VPS13B: variants seen among roughly 807,000 people sequenced by gnomAD.
The protein encoded by VPS13B is vacuolar protein sorting 13 homolog B, also known as intermembrane lipid transfer protein VPS13B.
Under a neutral mutation model 426.4 loss-of-function variants are expected in VPS13B, and 285 were observed. The ratio of observed to expected loss-of-function variants is 0.67; its 90% CI spans 0.61 to 0.74. The LOEUF is 0.74. Ranked by LOEUF, VPS13B falls within the 30% of genes least tolerant of loss-of-function variation. The probability of loss-of-function intolerance (pLI) is 0.00; values close to 1 mark genes in which losing one functional copy is unlikely to be tolerated. For missense variants in VPS13B, 4,537 were observed against 4,782.6 expected, an observed-to-expected ratio of 0.95 and a Z score of 1.51; for synonymous variants, 1,676 against 1,676.4, an observed-to-expected ratio of 1.00 and a Z score of 0.01.
chr8:99,310,739 T>C (rs963463410), intron 19 of VPS13B, among the ~76,000 whole-genome samples: 2 of 152,212 alleles, frequency 1.3e-5, no homozygotes, highest in African/African-American at 4.8e-5. Context: ...TTTCTATTGA[T>C]TGGAATAGTT....
intron 17 of VPS13B, among the ~76,000 whole-genome samples, chr8:99,207,782 A>G (rs1453624700): frequency 2.0e-5 from 3 of 152,054 alleles, no homozygotes; most frequent in African/African-American, 7.2e-5. Flanking sequence ...GCTCATGTTT[A>G]TGTCTTCTAT....
intron 21 of VPS13B, among the ~76,000 whole-genome samples, chr8:99,424,719 T>C (rs200812220): frequency 1.3e-5 from 2 of 151,966 alleles, no homozygotes; most frequent in African/African-American, 2.4e-5. Context: ...CAGAGCAGAA[T>C]TGAAGGAAAT....
intron 39 of VPS13B, among the ~76,000 whole-genome samples, chr8:99,737,879 A>G (rs1034885221): frequency 5.9e-5 from 9 of 152,238 alleles, no homozygotes; most frequent in African/African-American, 2.2e-4. Context: ...GTTCTCTTGT[A>G]TCATATCTTA....
At chr8:99,859,978 C>T (rs1816754031) in intron 57 of VPS13B, among the ~76,000 whole-genome samples, 2 of 152,116 alleles carry the variant, frequency 1.3e-5, no homozygotes, top group African/African-American at 2.4e-5. Context: ...CCAGACAGGT[C>T]ATCGGGCATG....
intron 19 of VPS13B, among the ~76,000 whole-genome samples, chr8:99,286,526 G>A (rs1415084821): frequency 6.6e-6 from 1 of 152,130 alleles, no homozygotes; most frequent in Non-Finnish European, 1.5e-5. Flanking sequence ...ATGGGGAAAT[G>A]AGATCAATTG....
At chr8:99,357,145 T>C (rs1209265726) in intron 19 of VPS13B, among the ~76,000 whole-genome samples, 7 of 152,214 alleles carry the variant, frequency 4.6e-5, no homozygotes, top group Admixed American at 4.6e-4. Flanking sequence ...TCTGCATCTG[T>C]ATTTTCATGC....
chr8:99,081,711 G>A (rs1845472075), intron 3 of VPS13B, among the ~76,000 whole-genome samples: 1 of 151,530 alleles, frequency 6.6e-6, no homozygotes, highest in Non-Finnish European at 1.5e-5. Flanking sequence ...AACATGCAGT[G>A]TTTGGTTTTT....
chr8:99,583,409 TCTA>T, intron 33 of VPS13B, among the ~76,000 whole-genome samples: 1 of 152,336 alleles, frequency 6.6e-6, no homozygotes, highest in African/African-American at 2.4e-5. Context: ...CTGGCTAATA[TCTA>T]CTTGGATATT....
At chr8:99,551,713 A>G (rs1184049132) in intron 30 of VPS13B, among the ~76,000 whole-genome samples, 1 of 151,884 alleles carries the variant, frequency 6.6e-6, no homozygotes, top group Non-Finnish European at 1.5e-5. Flanking sequence ...AGAACATTTT[A>G]TCTCAAATTA....
At chr8:99,639,618 A>G (rs1031525358) in intron 33 of VPS13B, among the ~76,000 whole-genome samples, 1 of 149,788 alleles carries the variant, frequency 6.7e-6, no homozygotes, top group Non-Finnish European at 1.5e-5. Flanking sequence ...TTATTCTTAC[A>G]TAAGTTGTTA....
At position 99,867,325 on chromosome 8, in the gene VPS13B, C is replaced by T. The variant is rs139554186; in HGVS notation, c.11216-964C>T. Among the ~76,000 whole-genome samples the T allele has an allele frequency of 2.1e-4, 32 of 152,272 alleles. 1 individual carries two copies. Among genetic ancestry groups the T allele is most frequent in the African/African-American group, 7.5e-4 (31 of 41,546 alleles). On this transcript the variant is annotated intron_variant, in intron 58 of 61. Coordinates refer to ENST00000357162, the MANE Select transcript of VPS13B (RefSeq NM_152564.5). ...CTCAAAGCAGGAGTAGCAAAGGGGC[C>T]GTATCCACAGGACTGCCTGAGGGGC...
chr8:99,654,056 T>C (rs1488645485), intron 34 of VPS13B, among the ~76,000 whole-genome samples: 1 of 150,584 alleles, frequency 6.6e-6, no homozygotes, highest in Non-Finnish European at 1.5e-5. Flanking sequence ...TATTATTATA[T>C]ATATTTTTTT....
chr8:99,375,623 CT>C (rs1419143238), intron 19 of VPS13B, among the ~76,000 whole-genome samples: 9 of 152,186 alleles, frequency 5.9e-5, no homozygotes, highest in Non-Finnish European at 1.3e-4. Context: ...TCTGATTCCC[CT>C]CTTGCCTTTA....
intron 16 of VPS13B, among the ~76,000 whole-genome samples, chr8:99,179,764 C>T (rs1322132166): frequency 6.6e-6 from 1 of 152,062 alleles, no homozygotes; most frequent in Non-Finnish European, 1.5e-5. Flanking sequence ...GTGAAAACCT[C>T]GCATCTGTTG....
chr8:99,839,178 G>A (rs6984315), intron 54 of VPS13B, among the ~76,000 whole-genome samples: 25,303 of 152,178 alleles, frequency 0.17, 2,609 homozygotes, highest in East Asian at 0.34. Context: ...CTTCTGAAAA[G>A]ATCCAGTAAA....
At chr8:99,239,917 G>A (rs1189035092) in intron 17 of VPS13B, among the ~76,000 whole-genome samples, 2 of 152,018 alleles carry the variant, frequency 1.3e-5, no homozygotes, top group Admixed American at 1.3e-4. Context: ...TATTTTGGTG[G>A]CTCAGTTAAA....
At chr8:99,170,722 A>G (rs1315169439) in intron 16 of VPS13B, among the ~76,000 whole-genome samples, 1 of 151,820 alleles carries the variant, frequency 6.6e-6, no homozygotes, top group Non-Finnish European at 1.5e-5. Flanking sequence ...TTACAGAAAG[A>G]AAGCCAGTAG....
rs1249346975 is a variant in VPS13B at position 99,870,834 on chromosome 8, G to A, written c.11442G>A (p.Gln3814=). The stretch of plus-strand genomic sequence containing the variant: ...CTCAGCTTCCCAAACAGCGCCATCA[G>A]CCAAGTGATCTACATGCTGACCAGG... ...GLSQLPKQRH[Q]PSDLHADQAP... is the part of the protein sequence containing the mutation. The change falls in exon 60 of 62, where the codon CAG becomes CAA. Residue 3814 remains glutamine, a synonymous_variant. Coordinates refer to ENST00000357162, the MANE Select transcript of VPS13B (RefSeq NM_152564.5). 3.7e-6 allele frequency: 6 copies of A among 1,614,054 alleles called. No individual in the cohort carries two copies. The highest frequency in any genetic ancestry group is 5.1e-6 in the Non-Finnish European group (6 of 1,180,028).
chr8:99,542,948 T>C (rs1294098270), intron 30 of VPS13B, among the ~76,000 whole-genome samples: 3 of 152,138 alleles, frequency 2.0e-5, no homozygotes, highest in Non-Finnish European at 4.4e-5. Context: ...CTTCACAGAA[T>C]TGGAAAAAAC....
Sources: gnomAD v4.1 joint callset for allele counts (sites outside exome capture counted in the v4.1 genomes callset) on GRCh38, gnomAD v4.1.1 for gene constraint, MANE v1.5 for transcripts, NCBI Gene and HGNC (gene_info 2026-07-23, HGNC 2026-07-21) for gene names.